The following DISP1 variants were observed in gnomAD, a reference collection of about 807,000 sequenced individuals.
DISP1 encodes the protein protein dispatched homolog 1.
DISP1 carries 30 observed loss-of-function variants against 37.3 expected under a neutral mutation model. That is an observed-to-expected ratio of 0.80 (90% CI 0.60 to 1.09). The LOEUF (loss-of-function observed/expected upper bound fraction) is 1.09, where lower values mean the gene tolerates loss of function less well. DISP1 is among the 50% of genes least tolerant of loss of function. The pLI, the probability that DISP1 is intolerant of heterozygous loss-of-function variation, is 0.00. For synonymous variants in DISP1, 634 were observed against 690.2 expected, an observed-to-expected ratio of 0.92 and a Z score of 1.28; for missense variants, 1,598 against 1,879.5, an observed-to-expected ratio of 0.85 and a Z score of 2.77.
intron 7 of DISP1, among the ~76,000 whole-genome samples, chr1:222,993,389 T>TAGTATA: frequency 6.6e-6 from 1 of 152,360 alleles, no homozygotes. Flanking sequence ...ATTAAGTGAA[T>TAGTATA]ATTAACATTA....
chr1:222,862,410 T>C (rs1668926154), intron 1 of DISP1, among the ~76,000 whole-genome samples: 2 of 152,188 alleles, frequency 1.3e-5, no homozygotes, highest in South Asian at 4.1e-4. Flanking sequence ...CCTTCTCTTT[T>C]ATAATAAAAC....
intron 3 of DISP1, among the ~76,000 whole-genome samples, chr1:222,962,392 C>T (rs753181045): frequency 1.8e-4 from 28 of 152,188 alleles, no homozygotes; most frequent in Non-Finnish European, 2.9e-4. Flanking sequence ...TCCCATCAAA[C>T]TACCAGTGAC....
intron 3 of DISP1, among the ~76,000 whole-genome samples, chr1:222,980,244 T>G (rs1021993561): frequency 2.7e-4 from 41 of 152,226 alleles, no homozygotes; most frequent in Non-Finnish European, 1.3e-4. Flanking sequence ...CAAAAAATGT[T>G]TCTCTTTAAT....
chr1:222,997,077 A>G (rs1163130310), intron 8 of DISP1, among the ~76,000 whole-genome samples: 1 of 150,378 alleles, frequency 6.6e-6, no homozygotes, highest in African/African-American at 2.5e-5. Context: ...TTTGTAAACT[A>G]CCTCAACATG....
At position 223,004,564 on chromosome 1, in the gene DISP1, A is replaced by G; in HGVS notation, c.3167A>G (p.Tyr1056Cys). ...VGLSVDFAVH[Y>C]GVAYRLAPDP... ...TTGTCTGTAGACTTTGCCGTCCATT[A>G]TGGGGTTGCCTACCGCTTGGCTCCA... Residue 1056 changes from tyrosine to cysteine, a missense_variant, in exon 9 of 9, where the codon TAT becomes TGT. By Grantham distance (194) the Tyr-to-Cys change is radical. Transcript: ENST00000675850. This position sits in a 1 kb window ranked among gnomAD's most constrained non-coding sequence, Gnocchi z 4.9. The G allele has an allele frequency of 4.3e-6, 7 of 1,613,998 alleles. No individual in the cohort carries two copies. Among genetic ancestry groups the G allele is most frequent in the Non-Finnish European group, 5.9e-6 (7 of 1,179,990 alleles).
chr1:222,873,651 T>A (rs1000390973), intron 1 of DISP1, among the ~76,000 whole-genome samples: 2 of 152,204 alleles, frequency 1.3e-5, no homozygotes, highest in Non-Finnish European at 2.9e-5. Context: ...ATCCCTTTAT[T>A]TTGAGCCTAT....
chr1:222,975,245 GAACT>G (rs989814111), intron 3 of DISP1, among the ~76,000 whole-genome samples: 16 of 152,000 alleles, frequency 1.1e-4, no homozygotes, highest in African/African-American at 3.9e-4. Context: ...GGCCAGTCTT[GAACT>G]CCTGGGCTCA....
intron 3 of DISP1, among the ~76,000 whole-genome samples, chr1:222,974,207 C>A (rs942728721): frequency 6.6e-6 from 1 of 151,968 alleles, no homozygotes; most frequent in Non-Finnish European, 1.5e-5. Flanking sequence ...TACCTTTTTT[C>A]TCTTGGATAA....
chr1:222,841,876 A>G (rs1434541541), intron 1 of DISP1, among the ~76,000 whole-genome samples: 4 of 152,172 alleles, frequency 2.6e-5, no homozygotes, highest in Non-Finnish European at 5.9e-5. Flanking sequence ...TTGGTAAAGT[A>G]TTCTTTCTGG....
At chr1:222,971,268 T>C (rs2102642682) in intron 3 of DISP1, among the ~76,000 whole-genome samples, 1 of 148,336 alleles carries the variant, frequency 6.7e-6, no homozygotes. Flanking sequence ...GCTAAAGAAT[T>C]TCTATAGAAG....
intron 3 of DISP1, among the ~76,000 whole-genome samples, chr1:222,972,731 T>C (rs1029413772): frequency 7.2e-5 from 11 of 152,214 alleles, no homozygotes; most frequent in African/African-American, 2.7e-4. Flanking sequence ...CAATATTATC[T>C]TCCTATTCCC....
At chr1:222,841,316 G>A (rs1157693993) in intron 1 of DISP1, among the ~76,000 whole-genome samples, 1 of 152,072 alleles carries the variant, frequency 6.6e-6, no homozygotes, top group African/African-American at 2.4e-5. Context: ...AAACATTTAT[G>A]CATTGTTTAC....
intron 2 of DISP1, among the ~76,000 whole-genome samples, chr1:222,935,058 G>C (rs1273762273): frequency 6.6e-6 from 1 of 152,128 alleles, no homozygotes; most frequent in Non-Finnish European, 1.5e-5. Context: ...TCCCCACCTA[G>C]TTTGTGGTTT....
Position 223,002,379 on chromosome 1 carries a change from C to G in DISP1, c.988-6C>G, listed in dbSNP as rs771398249. 6.2e-7 allele frequency: 1 copy of G among 1,613,104 alleles called. No homozygotes were observed. The highest frequency in any genetic ancestry group is 1.3e-5 in the African/African-American group (1 of 74,862). ...GTAGTCCTTCTGCTTGTCTCTATCTCTGCAGATCAGATCTCATCCCCAGTT... is the reference window on the plus strand; with the variant it reads ...GTAGTCCTTCTGCTTGTCTCTATCTGTGCAGATCAGATCTCATCCCCAGTT... On this transcript the variant is annotated splice_polypyrimidine_tract_variant and splice_region_variant and intron_variant, in intron 8 of 8. Coordinates refer to ENST00000675850, the MANE Select transcript of DISP1 (RefSeq NM_001377229.1).
intron 6 of DISP1, 119 bp downstream of exon 6, chr1:222,991,766 A>G: frequency 8.4e-7 from 1 of 1,197,498 alleles, no homozygotes; most frequent in Non-Finnish European, 1.2e-6. Flanking sequence ...AATCTTTGCC[A>G]CTGAATTTGC....
At chr1:222,849,175 G>A (rs1416937466) in intron 1 of DISP1, among the ~76,000 whole-genome samples, 2 of 152,104 alleles carry the variant, frequency 1.3e-5, no homozygotes, top group Admixed American at 6.5e-5. Flanking sequence ...TAGTTAATTT[G>A]TATTTATATA....
intron 1 of DISP1, among the ~76,000 whole-genome samples, chr1:222,824,587 C>T (rs1460663512): frequency 6.6e-6 from 1 of 151,818 alleles, no homozygotes; most frequent in African/African-American, 2.4e-5. Context: ...TCCATTTGTT[C>T]CACTTTAAGT....
chr1:222,829,044 A>T (rs1665105116), intron 1 of DISP1, among the ~76,000 whole-genome samples: 1 of 152,210 alleles, frequency 6.6e-6, no homozygotes, highest in Non-Finnish European at 1.5e-5. Flanking sequence ...ATTTAGAGTC[A>T]TAAGAAATAA....
chr1:222,959,130 A>C (rs1369068331), intron 3 of DISP1, among the ~76,000 whole-genome samples: 1 of 152,010 alleles, frequency 6.6e-6, no homozygotes, highest in Non-Finnish European at 1.5e-5. Context: ...AATTATGAAC[A>C]CTCTTCCCTG....
Sources: allele counts gnomAD v4.1 joint callset (sites outside exome capture counted in the v4.1 genomes callset), GRCh38; gene constraint gnomAD v4.1.1; non-coding constraint Gnocchi (gnomAD v3.1); transcripts MANE v1.5; gene names NCBI Gene and HGNC (gene_info 2026-07-23, HGNC 2026-07-21).